The following CDKN2B variants were observed in gnomAD, a reference collection of about 807,000 sequenced individuals.
The protein encoded by CDKN2B is cyclin-dependent kinase 4 inhibitor B.
A neutral mutation model predicts 7.7 loss-of-function variants in CDKN2B; 8 were observed. The ratio of observed to expected loss-of-function variants is 1.04; its 90% CI spans 0.61 to 1.87. CDKN2B has a LOEUF of 1.87. CDKN2B is among the 40% of genes most tolerant of loss of function. The probability of loss-of-function intolerance (pLI) is 0.00; values close to 1 mark genes in which losing one functional copy is unlikely to be tolerated. For synonymous variants in CDKN2B, 93 were observed against 95.8 expected, an observed-to-expected ratio of 0.97 and a Z score of 0.17; for missense variants, 244 against 213.1, an observed-to-expected ratio of 1.15 and a Z score of -0.90.
chr9:22,009,165 C>T lies in CDKN2B; in HGVS notation c.-212G>A. 3.0e-6 allele frequency: 2 copies of T among 672,280 alleles called. No homozygotes were observed. Among genetic ancestry groups the T allele is most frequent in the East Asian group, 5.5e-5 (2 of 36,194 alleles). The allele number at this position is 672,280 out of a possible 1,614,324, so 41.6% of individuals were successfully genotyped here. A position where few individuals can be genotyped will look rare whatever the true frequency, so the allele number is the denominator to read the frequency against. ...GTCGTTAGCTCCGGGCTTTTCCTGG[C>T]GCTCAAGAACCAGCGGGCGCGCCTG... On this transcript the variant is annotated 5_prime_UTR_variant, in exon 1 of 2. Transcript: ENST00000276925.
intron 1 of CDKN2B, among the ~76,000 whole-genome samples, chr9:22,007,750 GT>G (rs1821265879): frequency 6.6e-6 from 1 of 152,120 alleles, no homozygotes; most frequent in Non-Finnish European, 1.5e-5. Flanking sequence ...AATAGCTGCT[GT>G]TAGTATTTCA....
rs1424965013 is a variant in CDKN2B, at chr9:22,006,917, A to C, written c.157-670T>G. 6.6e-6 allele frequency among the ~76,000 whole-genome samples: 1 copy of C among 152,162 alleles called. No homozygotes were observed. Among genetic ancestry groups the C allele is most frequent in the East Asian group, 1.9e-4 (1 of 5,196 alleles). On this transcript the variant is annotated intron_variant, in intron 1 of 1. Coordinates refer to ENST00000276925, the MANE Select transcript of CDKN2B (RefSeq NM_004936.4). This position sits in a 1 kb window ranked among gnomAD's most constrained non-coding sequence, Gnocchi z 6.4. ...AAATCATGCAAAATCTTATAAAATT[A>C]TAATAAATGATTTTTCCTTAACAGT...
chr9:22,009,268 C>G lies in CDKN2B; in HGVS notation c.-315G>C, dbSNP rs776973752. On this transcript the variant is annotated 5_prime_UTR_variant, in exon 1 of 2. Transcript: ENST00000276925. ...CTCTGGCCGCAGGGTGCGGACGCGTCGCGGAGTCCTCACTGCCCCGCCTCG... is the reference window on the plus strand; with the variant it reads ...CTCTGGCCGCAGGGTGCGGACGCGTGGCGGAGTCCTCACTGCCCCGCCTCG... The G allele has an allele frequency of 1.9e-6, 1 of 516,020 alleles. No individual in the cohort carries two copies. The highest frequency in any genetic ancestry group is 3.5e-6 in the Non-Finnish European group (1 of 287,200). 32.0% of individuals were successfully genotyped at this position (516,020 alleles called of 1,614,324 possible).
Position 22,005,934 on chromosome 9 carries a change from T to C in CDKN2B, c.*53A>G. On this transcript the variant is annotated 3_prime_UTR_variant, in exon 2 of 2. Coordinates refer to ENST00000276925, the MANE Select transcript of CDKN2B (RefSeq NM_004936.4). This position sits in a 1 kb window ranked among gnomAD's most constrained non-coding sequence, Gnocchi z 4.9. ...CTTCATCGAATTAGGTGGGTGGGGG[T>C]GGGAAATTGGGTAAGAAAATAAAGT... 6.3e-7 allele frequency: 1 copy of C among 1,576,162 alleles called. No individual in the cohort carries two copies. The highest frequency in any genetic ancestry group is 8.5e-7 in the Non-Finnish European group (1 of 1,170,114).
Position 22,006,732 on chromosome 9 carries a change from TA to T in CDKN2B, c.157-486del, listed in dbSNP as rs1821208431. 6.6e-6 allele frequency among the ~76,000 whole-genome samples: 1 copy of T among 152,064 alleles called. No homozygotes were observed. The highest frequency in any genetic ancestry group is 1.5e-5 in the Non-Finnish European group (1 of 68,010). ...GGGAGTAATGGTTTAGGGGAGAAAA[TA>T]AACAACTAAGTTTTTTTCTTTCTTT... On this transcript the variant is annotated intron_variant, in intron 1 of 1. Coordinates refer to ENST00000276925, the MANE Select transcript of CDKN2B (RefSeq NM_004936.4). The surrounding 1 kb of genome is among the most constrained non-coding windows in gnomAD (Gnocchi z 6.4).
In CDKN2B at chr9:22,006,056, G is replaced by A. The variant is rs977430056; in HGVS notation, c.348C>T (p.Pro116=). 1.9e-6 allele frequency: 3 copies of A among 1,605,580 alleles called. No individual in the cohort carries two copies. Among genetic ancestry groups the A allele is most frequent in the African/African-American group, 1.3e-5 (1 of 74,942 alleles). ...LDVRDAWGRL[P]VDLAEERGHR... Reference sequence around the variant, plus strand: ...GGCCCCGCTCCTCGGCCAAGTCCACGGGCAGACGACCCCAGGCATCGCGCA... The same window carrying A: ...GGCCCCGCTCCTCGGCCAAGTCCACAGGCAGACGACCCCAGGCATCGCGCA... The change falls in exon 2 of 2, where the codon CCC becomes CCT. Residue 116 remains proline, a synonymous_variant. Transcript: ENST00000276925. The surrounding 1 kb of genome is among the most constrained non-coding windows in gnomAD (Gnocchi z 6.4).
At chr9:22,007,366 AT>A (rs1365847204) in intron 1 of CDKN2B, among the ~76,000 whole-genome samples, 3 of 144,210 alleles carry the variant, frequency 2.1e-5, no homozygotes, top group East Asian at 2.1e-4. Context: ...CTCAAAAAAA[AT>A]AAAATAAATA....
rs1328728285 is a variant in CDKN2B at position 22,006,000 on chromosome 9, G to T, written c.404C>A (p.Ala135Asp). ...HRDVAGYLRT[A>D]TGD ...GGGAACCTGGCGTCAGTCCCCCGTG[G>T]CTGTGCGCAGGTACCCTGCAACGTC... The change falls in exon 2 of 2, where the codon GCC becomes GAC. Residue 135 changes from alanine to aspartate, a missense_variant. Coordinates refer to ENST00000276925, the MANE Select transcript of CDKN2B (RefSeq NM_004936.4). This position sits in a 1 kb window ranked among gnomAD's most constrained non-coding sequence, Gnocchi z 4.9. The T allele has an allele frequency of 6.2e-7, 1 of 1,602,796 alleles. No homozygotes were observed. Among genetic ancestry groups the T allele is most frequent in the African/African-American group, 1.3e-5 (1 of 75,058 alleles).
Position 22,006,190 on chromosome 9 carries a change from G to A in CDKN2B, c.214C>T (p.Pro72Ser), listed in dbSNP as rs368412874. Residue 72 changes from proline (P) to serine (S), a missense_variant, in exon 2 of 2, where the codon CCC (proline) becomes TCC (serine). By Grantham distance (74) the Pro-to-Ser change is moderately conservative. Transcript: ENST00000276925. The surrounding 1 kb of genome is among the most constrained non-coding windows in gnomAD (Gnocchi z 6.4). Reference protein sequence around the residue: ...AELLLLHGAEPNCADPATLTR... With the variant: ...AELLLLHGAESNCADPATLTR... ...AGAGTGGCAGGGTCTGCGCAGTTGGGCTCCGCGCCGTGGAGCAGCAGCAGC... is the reference window on the plus strand; with the variant it reads ...AGAGTGGCAGGGTCTGCGCAGTTGGACTCCGCGCCGTGGAGCAGCAGCAGC... The A allele has an allele frequency of 1.9e-6, 3 of 1,609,080 alleles. No individual in the cohort carries two copies. Among genetic ancestry groups the A allele is most frequent in the Non-Finnish European group, 1.7e-6 (2 of 1,179,776 alleles).
rs1056941544 is a variant in CDKN2B at position 22,004,993 on chromosome 9, C to T, written c.*994G>A. 1.3e-5 allele frequency: 3 copies of T among 233,114 alleles called. No individual in the cohort carries two copies. Among genetic ancestry groups the T allele is most frequent in the Admixed American group, 1.1e-4 (2 of 17,780 alleles). 14.4% of individuals were successfully genotyped at this position (233,114 alleles called of 1,614,324 possible). On this transcript the variant is annotated 3_prime_UTR_variant, in exon 2 of 2. Transcript: ENST00000276925. ...TCTTCCTCACATTTTAACTGAGAGC[C>T]ACTAGTTATGTTACTTAAAATCTCC...
rs1339799896 is a variant in CDKN2B at position 22,004,013 on chromosome 9, G to T, written c.*1974C>A. ...GCACTTCTTTGTGCATCCATGGAAT[G>T]AATATCTTGTAACCTTTGGCAAGTT... On this transcript the variant is annotated 3_prime_UTR_variant, in exon 2 of 2. Coordinates refer to ENST00000276925, the MANE Select transcript of CDKN2B (RefSeq NM_004936.4). The T allele has an allele frequency of 1.7e-5, 4 of 232,636 alleles. No homozygotes were observed. The highest frequency in any genetic ancestry group is 8.8e-5 in the African/African-American group (4 of 45,326). 14.4% of individuals were successfully genotyped at this position (232,636 alleles called of 1,614,324 possible).
intron 1 of CDKN2B, among the ~76,000 whole-genome samples, chr9:22,007,823 A>C (rs1367355656): frequency 6.6e-6 from 1 of 152,198 alleles, no homozygotes; most frequent in Non-Finnish European, 1.5e-5. Flanking sequence ...TTAAGTTTTT[A>C]AGATGCACTT....
rs1380521597 is a variant in CDKN2B, at chr9:22,004,180, T to C, written c.*1807A>G. 2.2e-5 allele frequency: 5 copies of C among 232,448 alleles called. No individual in the cohort carries two copies. The highest frequency in any genetic ancestry group is 1.2e-4 in the East Asian group (2 of 16,370). The allele number at this position is 232,448 out of a possible 1,614,324, so 14.4% of individuals were successfully genotyped here. ...TAAACATATCCTTTCCCCAATAACA[T>C]ATGCTCTGATTCTCAACTAACTTTC... On this transcript the variant is annotated 3_prime_UTR_variant, in exon 2 of 2. Transcript: ENST00000276925.
At position 22,008,787 on chromosome 9, in the gene CDKN2B, G is replaced by GC; in HGVS notation, c.156+10dup. 6.2e-7 allele frequency: 1 copy of GC among 1,606,824 alleles called. No homozygotes were observed. Among genetic ancestry groups the GC allele is most frequent in the Non-Finnish European group, 8.5e-7 (1 of 1,176,484 alleles). On this transcript the variant is annotated intron_variant, in intron 1 of 1. Transcript: ENST00000276925. ...CGCCCCCTGCCGGCGAGGCCCTGGG[G>GC]CCCCAGCTACCTGGATCGCGCGCCT... is the stretch of plus-strand genomic sequence containing the variant.
chr9:22,009,172 G>A lies in CDKN2B; in HGVS notation c.-219C>T, dbSNP rs1055565849. 7.6e-6 allele frequency: 5 copies of A among 658,542 alleles called. No homozygotes were observed. In the African/African-American group the frequency reaches 9.2e-5, roughly 12 times the overall value. The allele number at this position is 658,542 out of a possible 1,614,324, so 40.8% of individuals were successfully genotyped here. A position where few individuals can be genotyped will look rare whatever the true frequency, so the allele number is the denominator to read the frequency against. ...GCTCCGGGCTTTTCCTGGCGCTCAA[G>A]AACCAGCGGGCGCGCCTGGATTGCT... On this transcript the variant is annotated 5_prime_UTR_variant, in exon 1 of 2. Transcript: ENST00000276925.
rs1287419956 is a variant in CDKN2B, at chr9:22,003,869, TG to T, written c.*2117del. The T allele has an allele frequency of 4.3e-6, 1 of 232,356 alleles. No individual in the cohort carries two copies. Among genetic ancestry groups the T allele is most frequent in the Non-Finnish European group, 8.5e-6 (1 of 117,598 alleles). The allele number at this position is 232,356 out of a possible 1,614,324, so 14.4% of individuals were successfully genotyped here. On this transcript the variant is annotated 3_prime_UTR_variant, in exon 2 of 2. Coordinates refer to ENST00000276925, the MANE Select transcript of CDKN2B (RefSeq NM_004936.4). ...TAGGAGCTTACAAGGGAGATCATTG[TG>T]TATTTCTGCTTTTTTTTAAAAAAAG... is the stretch of plus-strand genomic sequence containing the variant.
In CDKN2B at chr9:22,005,629, T is replaced by C. The variant is rs1023442614; in HGVS notation, c.*358A>G. On this transcript the variant is annotated 3_prime_UTR_variant, in exon 2 of 2. Transcript: ENST00000276925. The surrounding 1 kb of genome is among the most constrained non-coding windows in gnomAD (Gnocchi z 4.9). ...TCCCACTCAGCGCTGGAGTGGGAGA[T>C]TCATCCATCGGAAGATTCGTAGCCA... is the stretch of plus-strand genomic sequence containing the variant. 11 of 453,330 alleles carry C rather than the reference T, an allele frequency of 2.4e-5. No individual in the cohort carries two copies. Among genetic ancestry groups the C allele is most frequent in the South Asian group, 4.4e-5 (2 of 45,320 alleles). The allele number at this position is 453,330 out of a possible 1,614,324, so 28.1% of individuals were successfully genotyped here.
Position 22,005,883 on chromosome 9 carries a change from G to A in CDKN2B, c.*104C>T, listed in dbSNP as rs925666014. ...CTCAGACAGGCTTGCAGGCTTACAGGCTTTCCGCCGCTCCCCGTTGGCAGC... is the reference window on the plus strand; with the variant it reads ...CTCAGACAGGCTTGCAGGCTTACAGACTTTCCGCCGCTCCCCGTTGGCAGC... On this transcript the variant is annotated 3_prime_UTR_variant, in exon 2 of 2. Coordinates refer to ENST00000276925, the MANE Select transcript of CDKN2B (RefSeq NM_004936.4). The surrounding 1 kb of genome is among the most constrained non-coding windows in gnomAD (Gnocchi z 4.9). 2.7e-6 allele frequency: 4 copies of A among 1,467,234 alleles called. No individual in the cohort carries two copies. The highest frequency in any genetic ancestry group is 1.8e-6 in the Non-Finnish European group (2 of 1,083,616). The allele number at this position is 1,467,234 out of a possible 1,614,324, so 90.9% of individuals were successfully genotyped here.
At position 22,006,384 on chromosome 9, in the gene CDKN2B, C is replaced by G. The variant is rs1563914672; in HGVS notation, c.157-137G>C. ...ACCCAGTGCAGAGGTGTTCAGGTCT[C>G]TGATGTCTGGTGTTTCTTCATTTGC... On this transcript the variant is annotated intron_variant, in intron 1 of 1. Coordinates refer to ENST00000276925, the MANE Select transcript of CDKN2B (RefSeq NM_004936.4). This position sits in a 1 kb window ranked among gnomAD's most constrained non-coding sequence, Gnocchi z 6.4. The G allele has an allele frequency of 4.2e-6, 5 of 1,193,660 alleles. No individual in the cohort carries two copies. Among genetic ancestry groups the G allele is most frequent in the Non-Finnish European group, 6.0e-6 (5 of 840,264 alleles). The allele number at this position is 1,193,660 out of a possible 1,614,324, so 73.9% of individuals were successfully genotyped here.
Sources: gnomAD v4.1 joint callset for allele counts (sites outside exome capture counted in the v4.1 genomes callset) on GRCh38, gnomAD v4.1.1 for gene constraint, Gnocchi (gnomAD v3.1) non-coding constraint, MANE v1.5 for transcripts, NCBI Gene and HGNC (gene_info 2026-07-23, HGNC 2026-07-21) for gene names.